The following KLF13 variants were observed in gnomAD, a reference collection of about 807,000 sequenced individuals.
KLF13 encodes the protein KLF transcription factor 13, also known as Krueppel-like factor 13.
Under a neutral mutation model 16.7 loss-of-function variants are expected in KLF13, and 8 were observed. That is an observed-to-expected ratio of 0.48 (90% confidence interval 0.28 to 0.87). The LOEUF is 0.87. Among genes scored for constraint, KLF13 ranks in the 40% least tolerant of loss-of-function variants. The pLI, the probability that KLF13 is intolerant of heterozygous loss-of-function variation, is 0.10. For synonymous variants in KLF13, 245 were observed against 208.4 expected, an observed-to-expected ratio of 1.18 and a Z score of -1.51; for missense variants, 447 against 452.2, an observed-to-expected ratio of 0.99 and a Z score of 0.10.
At position 31,328,164 on chromosome 15, in the gene KLF13, C is replaced by A. The variant is rs562329528; in HGVS notation, c.577+375C>A. Among the ~76,000 whole-genome samples the A allele has an allele frequency of 2.7e-5, 4 of 149,332 alleles. No homozygotes were observed. In the East Asian group the frequency reaches 8.1e-4, roughly 30 times the overall value. On this transcript the variant is annotated intron_variant, in intron 1 of 1. Coordinates refer to ENST00000307145, the MANE Select transcript of KLF13 (RefSeq NM_015995.4). ...TGTGGACCGCAGGCGGCACTCGTGA[C>A]GGTGGGGCGCCCGGAGCGGGGGCAG...
intron 1 of KLF13, among the ~76,000 whole-genome samples, chr15:31,356,900 G>A (rs991304546): frequency 1.3e-5 from 2 of 152,182 alleles, no homozygotes; most frequent in African/African-American, 2.4e-5. Context: ...CAGCGGGCCC[G>A]TCGGGTGGCA....
chr15:31,343,668 A>T (rs2039066041), intron 1 of KLF13, among the ~76,000 whole-genome samples: 1 of 152,218 alleles, frequency 6.6e-6, no homozygotes, highest in African/African-American at 2.4e-5. Flanking sequence ...AATGACCTGG[A>T]AAAGTTTTCT....
chr15:31,362,742 C>G (rs1295203715), intron 1 of KLF13, among the ~76,000 whole-genome samples: 2 of 152,190 alleles, frequency 1.3e-5, no homozygotes, highest in African/African-American at 2.4e-5. Flanking sequence ...CCTGGGTGAT[C>G]TCTGTTCCTA....
chr15:31,389,034 TG>T (rs2039829352), upstream of KLF13, among the ~76,000 whole-genome samples: 1 of 152,184 alleles, frequency 6.6e-6, no homozygotes, highest in Non-Finnish European at 1.5e-5. Flanking sequence ...TTGAACAACA[TG>T]GGTTTGAACT....
chr15:31,364,257 A>G (rs2039430244), intron 1 of KLF13, among the ~76,000 whole-genome samples: 1 of 152,244 alleles, frequency 6.6e-6, no homozygotes, highest in Admixed American at 6.5e-5. Context: ...TACTTTAAAA[A>G]ATATCTTCGC....
chr15:31,340,105 C>T lies in KLF13; in HGVS notation c.577+12316C>T, dbSNP rs573689171. 2.0e-4 allele frequency: 141 copies of T among 695,784 alleles called. 1 individual carries two copies. Among genetic ancestry groups the T allele is most frequent in the East Asian group, 1.0e-3 (37 of 37,088 alleles). The allele number at this position is 695,784 out of a possible 1,614,324, so 43.1% of individuals were successfully genotyped here. A position where few individuals can be genotyped will look rare whatever the true frequency, so the allele number is the denominator to read the frequency against. ...GCCTCTAGGCCTGTTTCCAGGGTCT[C>T]GTCTTCGTTGTAGGCCTGCAGGTCT... On this transcript the variant is annotated intron_variant, in intron 1 of 1. Coordinates refer to ENST00000307145, the MANE Select transcript of KLF13 (RefSeq NM_015995.4).
Position 31,399,217 on chromosome 15 carries a change from TC to T in KLF13, n.530-4206del, listed in dbSNP as rs1167570157. On this transcript the variant is annotated intron_variant and non_coding_transcript_variant, in intron 2 of 2. Transcript: ENST00000500533. ...GGCAGGGAATTGCATCCCTGAGTTTTCCCCCTGCGGCTGGAGTGCAATGGCG... is the reference window on the plus strand; with the variant it reads ...GGCAGGGAATTGCATCCCTGAGTTTTCCCCTGCGGCTGGAGTGCAATGGCG... Among the ~76,000 whole-genome samples, 11 of 152,286 alleles carry T rather than the reference TC, an allele frequency of 7.2e-5. No individual in the cohort carries two copies. The East Asian group carries it at 1.9e-3, about 27-fold the overall frequency.
intron 1 of KLF13, among the ~76,000 whole-genome samples, chr15:31,423,488 C>T (rs902799636): frequency 7.3e-5 from 11 of 151,522 alleles, no homozygotes; most frequent in Non-Finnish European, 1.2e-4. Context: ...AAAAATTAGC[C>T]GGGTGTGGTG....
intron 2 of KLF13, among the ~76,000 whole-genome samples, chr15:31,400,868 G>A (rs553609834): frequency 3.9e-5 from 6 of 152,284 alleles, no homozygotes; most frequent in South Asian, 2.1e-4. Context: ...TGACATGTGG[G>A]AGAGAGGGGC....
chr15:31,327,350 G>T lies in KLF13; in HGVS notation c.138G>T (p.Leu46=). ...EGAAVAATPT[L]PRVEERRDGK... ...CGGCCGTGGCCGCCACCCCCACGCT[G>T]CCCCGCGTCGAGGAGCGCCGCGACG... Residue 46 remains leucine (L), a synonymous_variant, in exon 1 of 2, where the codon CTG becomes CTT. Transcript: ENST00000307145. The T allele has an allele frequency of 2.4e-6, 3 of 1,276,132 alleles. No individual in the cohort carries two copies. Among genetic ancestry groups the T allele is most frequent in the Non-Finnish European group, 3.0e-6 (3 of 1,013,274 alleles). 79.1% of individuals were successfully genotyped at this position (1,276,132 alleles called of 1,614,324 possible). A position where few individuals can be genotyped will look rare whatever the true frequency, so the allele number is the denominator to read the frequency against.
chr15:31,346,005 T>C (rs1432649247), intron 1 of KLF13, among the ~76,000 whole-genome samples: 1 of 151,936 alleles, frequency 6.6e-6, no homozygotes, highest in East Asian at 1.9e-4. Context: ...GCTCCACAAG[T>C]GTGCCCCTCT....
chr15:31,338,728 G>C (rs1338927494), intron 1 of KLF13, among the ~76,000 whole-genome samples: 1 of 152,118 alleles, frequency 6.6e-6, no homozygotes, highest in Non-Finnish European at 1.5e-5. Flanking sequence ...AAACCAGGGG[G>C]GCCAGCAGCC....
chr15:31,423,857 G>A (rs1049047901), intron 1 of KLF13, among the ~76,000 whole-genome samples: 1 of 152,068 alleles, frequency 6.6e-6, no homozygotes, highest in Non-Finnish European at 1.5e-5. Context: ...AATAGCAAAA[G>A]GAAAACGGGT....
chr15:31,417,963 A>G (rs1334618740), intron 1 of KLF13, among the ~76,000 whole-genome samples: 1 of 152,126 alleles, frequency 6.6e-6, no homozygotes, highest in African/African-American at 2.4e-5. Context: ...TTTTTTTTAA[A>G]TGACAAAGTG....
upstream of KLF13, among the ~76,000 whole-genome samples, chr15:31,388,394 C>T (rs992974561): frequency 6.6e-6 from 1 of 151,948 alleles, no homozygotes; most frequent in African/African-American, 2.4e-5. Context: ...GGCAGATCAC[C>T]TGAGGTCAGG....
At position 31,413,201 on chromosome 15, in the gene KLF13, A is replaced by C. The variant is rs1283192293; in HGVS notation, n.117+19510A>C. On this transcript the variant is annotated intron_variant and non_coding_transcript_variant, in intron 1 of 1. Transcript: ENST00000558225. The stretch of plus-strand genomic sequence containing the variant: ...AAATGAATAGACAAAAAAAAAAAAA[A>C]ACAAAAAACAAAAAAACCAGCCTCA... 1.0e-4 allele frequency among the ~76,000 whole-genome samples: 15 copies of C among 149,612 alleles called. No homozygotes were observed. The South Asian group carries it at 1.1e-3, about 11-fold the overall frequency.
chr15:31,415,387 CCATAAAG>C (rs1483888676), intron 1 of KLF13, among the ~76,000 whole-genome samples: 9 of 152,094 alleles, frequency 5.9e-5, no homozygotes, highest in Non-Finnish European at 1.0e-4. Flanking sequence ...ATATGCTAAA[CCATAAAG>C]CATACCTCAA....
chr15:31,417,331 C>T (rs2040266684), intron 1 of KLF13, among the ~76,000 whole-genome samples: 1 of 151,688 alleles, frequency 6.6e-6, no homozygotes, highest in Non-Finnish European at 1.5e-5. Flanking sequence ...CCCATCTCTA[C>T]TAAAAATACA....
At chr15:31,371,588 C>T (rs1486693373) in intron 1 of KLF13, among the ~76,000 whole-genome samples, 1 of 152,218 alleles carries the variant, frequency 6.6e-6, no homozygotes. Context: ...CATGGAGCAG[C>T]ATGGGCGGCT....
Sources: gnomAD v4.1 joint callset for allele counts (sites outside exome capture counted in the v4.1 genomes callset) on GRCh38, gnomAD v4.1.1 for gene constraint, MANE v1.5 for transcripts, NCBI Gene and HGNC (gene_info 2026-07-23, HGNC 2026-07-21) for gene names.